MRRF: variants seen among roughly 807,000 people sequenced by gnomAD.
MRRF encodes the protein ribosome-recycling factor, mitochondrial.
MRRF carries 18 observed loss-of-function variants against 25.1 expected under a neutral mutation model. The ratio of observed to expected loss-of-function variants is 0.72; its 90% CI spans 0.50 to 1.06. The LOEUF (loss-of-function observed/expected upper bound fraction) is 1.06, where lower values mean the gene tolerates loss of function less well. Ranked by LOEUF, MRRF falls within the 50% of genes least tolerant of loss-of-function variation. The probability of loss-of-function intolerance (pLI) is 0.00; values close to 1 mark genes in which losing one functional copy is unlikely to be tolerated. For missense variants in MRRF, 323 were observed against 319.3 expected (o/e 1.01, Z -0.09); for synonymous variants, 113 against 112.1 (o/e 1.01, Z -0.05).
chr9:122,267,104 C>T (rs1331377083), intron 1 of MRRF, among the ~76,000 whole-genome samples: 7 of 142,614 alleles, frequency 4.9e-5, no homozygotes, highest in Non-Finnish European at 4.5e-5. Flanking sequence ...TTCAGGCCGG[C>T]GCAGTGGCTC....
intron 5 of MRRF, among the ~76,000 whole-genome samples, chr9:122,307,287 G>A (rs111722508): frequency 6.6e-6 from 1 of 152,166 alleles, no homozygotes; most frequent in Admixed American, 6.5e-5. Flanking sequence ...GCAATGTCAG[G>A]AATGTATCTT....
chr9:122,315,814 G>A (rs528469127), intron 6 of MRRF, among the ~76,000 whole-genome samples: 1 of 152,212 alleles, frequency 6.6e-6, no homozygotes, highest in Non-Finnish European at 1.5e-5. Flanking sequence ...CAGGACATCT[G>A]CCTCAGGGAC....
chr9:122,267,399 AT>A (rs1832184262), intron 1 of MRRF, among the ~76,000 whole-genome samples: 1 of 151,454 alleles, frequency 6.6e-6, no homozygotes, highest in African/African-American at 2.4e-5. Flanking sequence ...AAAAAAAAAA[AT>A]TTAATAGTTG....
chr9:122,291,330 A>C (rs1363054692), intron 4 of MRRF, among the ~76,000 whole-genome samples: 1 of 152,208 alleles, frequency 6.6e-6, no homozygotes, highest in South Asian at 2.1e-4. Context: ...ACTCATTCCA[A>C]ATCGGCACTG....
Position 122,285,171 on chromosome 9 carries a change from T to C in MRRF, c.343T>C (p.Ser115Pro), listed in dbSNP as rs1833310590. 1 of 1,600,690 alleles carries C rather than the reference T, an allele frequency of 6.2e-7. No homozygotes were observed. The change falls in exon 4 of 7, where the codon TCC becomes CCC. Residue 115 changes from serine to proline, a missense_variant and splice_region_variant. Physicochemically the swap from Ser to Pro is moderately conservative, Grantham distance 74. Coordinates refer to ENST00000344641, the MANE Select transcript of MRRF (RefSeq NM_138777.5). ...AAACTCTGTAATTTTTCTTTTAGGA[T>C]CCCTTGACAAGATTGCTGTGGTAAC... is the stretch of plus-strand genomic sequence containing the variant. ...KTLNIRTSPG[S>P]LDKIAVVTAD...
Position 122,280,565 on chromosome 9 carries a change from T to G in MRRF, c.307T>G (p.Phe103Val), listed in dbSNP as rs1833039689. The change falls in exon 3 of 7, where the codon TTC (phenylalanine) becomes GTC (valine). Residue 103 changes from phenylalanine to valine, a missense_variant. Phe to Val is a conservative substitution (Grantham distance 50). Coordinates refer to ENST00000344641, the MANE Select transcript of MRRF (RefSeq NM_138777.5). ...KSVIEALKDN[F>V]NKTLNIRTSP... ...TGTGATAGAAGCTCTCAAGGATAAT[T>G]TCAATAAGACTCTCAATATAAGGAC... 14 of 1,614,032 alleles carry G rather than the reference T, an allele frequency of 8.7e-6. No homozygotes were observed. The highest frequency in any genetic ancestry group is 1.2e-5 in the Non-Finnish European group (14 of 1,179,920).
intron 4 of MRRF, chr9:122,285,914 T>C: frequency 7.7e-7 from 1 of 1,298,516 alleles, no homozygotes; most frequent in Non-Finnish European, 1.0e-6. Flanking sequence ...TTGCAGAATA[T>C]TGCATGGAGC....
Position 122,296,702 on chromosome 9 carries a change from C to T in MRRF, c.551+4862C>T, listed in dbSNP as rs182888519. Among the ~76,000 whole-genome samples, 613 of 152,278 alleles carry T rather than the reference C, an allele frequency of 4.0e-3. 6 individuals carry two copies. Among genetic ancestry groups the T allele is most frequent in the African/African-American group, 0.014 (576 of 41,548 alleles). On this transcript the variant is annotated intron_variant, in intron 5 of 6. Transcript: ENST00000344641. Reference sequence around the variant, plus strand: ...TGATCAGGGGTTCATTTTGTTCAGGCCAGGTTTCTGCCTCCACCTTATTCA... The same window carrying T: ...TGATCAGGGGTTCATTTTGTTCAGGTCAGGTTTCTGCCTCCACCTTATTCA...
At chr9:122,301,345 A>G (rs1834441391) in intron 5 of MRRF, among the ~76,000 whole-genome samples, 1 of 152,134 alleles carries the variant, frequency 6.6e-6, no homozygotes, top group Non-Finnish European at 1.5e-5. Context: ...GTAAATGTGG[A>G]GGGGAAGCTG....
intron 3 of MRRF, among the ~76,000 whole-genome samples, chr9:122,283,189 G>A (rs1453863643): frequency 6.6e-6 from 1 of 151,646 alleles, no homozygotes; most frequent in Non-Finnish European, 1.5e-5. Flanking sequence ...CTTCTCCCGG[G>A]TTCAAGCGAT....
chr9:122,313,927 TA>T (rs1835360214), intron 6 of MRRF, among the ~76,000 whole-genome samples: 1 of 152,104 alleles, frequency 6.6e-6, no homozygotes, highest in South Asian at 2.1e-4. Context: ...TAAGGTGATA[TA>T]AAAACAATAT....
At chr9:122,318,542 T>C (rs1588089087) in intron 6 of MRRF, among the ~76,000 whole-genome samples, 1 of 152,114 alleles carries the variant, frequency 6.6e-6, no homozygotes, top group African/African-American at 2.4e-5. Flanking sequence ...AGGCAGCGGG[T>C]GTTTTGAGCT....
At chr9:122,281,031 G>A (rs1833068601) in intron 3 of MRRF, among the ~76,000 whole-genome samples, 1 of 152,090 alleles carries the variant, frequency 6.6e-6, no homozygotes, top group African/African-American at 2.4e-5. Flanking sequence ...TCTTTGGTCC[G>A]ATTTTTCCAA....
At chr9:122,308,501 C>T (rs529651936) in intron 5 of MRRF, among the ~76,000 whole-genome samples, 1 of 150,778 alleles carries the variant, frequency 6.6e-6, no homozygotes, top group South Asian at 2.1e-4. Flanking sequence ...GAGTTCGTGA[C>T]CAGCCTGGCC....
In MRRF at chr9:122,267,166, G is replaced by A. The variant is rs113799052; in HGVS notation, c.-29+2228G>A. On this transcript the variant is annotated intron_variant, in intron 1 of 6. Transcript: ENST00000344641. ...GGCCGAGGCGGGCAGATCACCTGAG[G>A]TAAGGAGTTTGAGACCAGCCTGGCC... is the stretch of plus-strand genomic sequence containing the variant. 4.9e-3 allele frequency among the ~76,000 whole-genome samples: 748 copies of A among 152,094 alleles called. 6 individuals are homozygous for A. The highest frequency in any genetic ancestry group is 0.014 in the African/African-American group (578 of 41,478).
At chr9:122,272,501 TA>T (rs879908900) in intron 2 of MRRF, among the ~76,000 whole-genome samples, 423 of 143,268 alleles carry the variant, frequency 3.0e-3, no homozygotes, top group Middle Eastern at 7.4e-3. Flanking sequence ...CCTTGCCTCT[TA>T]AAAAAAAAAA....
In MRRF at chr9:122,322,700, C is replaced by G; in HGVS notation, c.*83C>G. On this transcript the variant is annotated 3_prime_UTR_variant, in exon 7 of 7. Coordinates refer to ENST00000344641, the MANE Select transcript of MRRF (RefSeq NM_138777.5). ...GCACATTGGGACTTCTCTCCCTCCCCCATCTACACAGAAGACTGTCACCAT... is the reference window on the plus strand; with the variant it reads ...GCACATTGGGACTTCTCTCCCTCCCGCATCTACACAGAAGACTGTCACCAT... 8.3e-7 allele frequency: 1 copy of G among 1,207,884 alleles called. No individual in the cohort carries two copies. The highest frequency in any genetic ancestry group is 1.2e-6 in the Non-Finnish European group (1 of 823,074). 74.8% of individuals were successfully genotyped at this position (1,207,884 alleles called of 1,614,324 possible). A position where few individuals can be genotyped will look rare whatever the true frequency, so the allele number is the denominator to read the frequency against.
intron 4 of MRRF, among the ~76,000 whole-genome samples, chr9:122,289,601 T>G (rs887667873): frequency 6.6e-6 from 1 of 152,148 alleles, no homozygotes; most frequent in African/African-American, 2.4e-5. Context: ...GAATCTGTTT[T>G]TTTTTTTTTA....
chr9:122,285,187 C>T lies in MRRF; in HGVS notation c.359C>T (p.Ala120Val). Residue 120 changes from alanine to valine, a missense_variant, in exon 4 of 7, where the codon GCT becomes GTT. Transcript: ENST00000344641. ...RTSPGSLDKIAVVTADGKLAL... is the reference protein window; with the variant it reads ...RTSPGSLDKIVVVTADGKLAL... ...CTTTTAGGATCCCTTGACAAGATTG[C>T]TGTGGTAACTGCTGACGGGAAGCTT... 2 of 1,611,976 alleles carry T rather than the reference C, an allele frequency of 1.2e-6. No individual in the cohort carries two copies. The highest frequency in any genetic ancestry group is 1.7e-6 in the Non-Finnish European group (2 of 1,178,058).
Sources: allele counts gnomAD v4.1 joint callset (sites outside exome capture counted in the v4.1 genomes callset), GRCh38; gene constraint gnomAD v4.1.1; transcripts MANE v1.5; gene names NCBI Gene and HGNC (gene_info 2026-07-23, HGNC 2026-07-21).